The following B3GLCT variants were observed in gnomAD, a reference collection of about 807,000 sequenced individuals.
B3GLCT encodes beta 3-glucosyltransferase, also known as beta-1,3-glucosyltransferase.
Under a neutral mutation model 63.4 loss-of-function variants are expected in B3GLCT, and 65 were observed. The ratio of observed to expected loss-of-function variants is 1.03; its 90% CI spans 0.84 to 1.26. The LOEUF is 1.26. Among genes scored for constraint, B3GLCT ranks in the 50% most tolerant of loss-of-function variants. B3GLCT has a pLI of 0.00. For synonymous variants in B3GLCT, 233 were observed against 219.2 expected (o/e 1.06, Z -0.55); for missense variants, 577 against 604.8 (o/e 0.95, Z 0.48).
intron 14 of B3GLCT, among the ~76,000 whole-genome samples, chr13:31,326,128 T>A (rs1481769178): frequency 6.6e-6 from 1 of 152,140 alleles, no homozygotes; most frequent in Non-Finnish European, 1.5e-5. Context: ...GTAAACTGTA[T>A]GGGATGGAAA....
At chr13:31,322,085 G>A (rs2137944066) in intron 13 of B3GLCT, among the ~76,000 whole-genome samples, 1 of 152,356 alleles carries the variant, frequency 6.6e-6, no homozygotes, top group South Asian at 2.1e-4. Flanking sequence ...AACATGTGAT[G>A]TTTTGACCAT....
intron 6 of B3GLCT, among the ~76,000 whole-genome samples, chr13:31,253,595 C>CAAAAAAAAAAAAAAAAAAAA: frequency 5.4e-5 from 1 of 18,418 alleles, no homozygotes; most frequent in African/African-American, 3.2e-4. Context: ...GACTCCATCT[C>CAAAAAAAAAAAAAAAAAAAA]AAAAAAAAAA....
At chr13:31,293,533 T>A (rs1189605442) in intron 12 of B3GLCT, among the ~76,000 whole-genome samples, 1 of 152,256 alleles carries the variant, frequency 6.6e-6, no homozygotes, top group African/African-American at 2.4e-5. Flanking sequence ...TCTTTTTGCA[T>A]TGATCCCTTT....
chr13:31,326,544 G>A (rs1193968823), intron 14 of B3GLCT, among the ~76,000 whole-genome samples: 1 of 152,028 alleles, frequency 6.6e-6, no homozygotes, highest in Admixed American at 6.5e-5. Flanking sequence ...GCCTCCCAAA[G>A]TGCTGGGATT....
intron 3 of B3GLCT, among the ~76,000 whole-genome samples, chr13:31,226,225 C>T (rs896127981): frequency 2.6e-5 from 4 of 152,234 alleles, no homozygotes; most frequent in Admixed American, 1.3e-4. Flanking sequence ...TTACAATGGC[C>T]TGCCTATGAA....
rs1872402772 is a variant in B3GLCT at position 31,267,847 on chromosome 13, C to G, written c.597-1367C>G. ...CCTTTTTCTTTTAAAATTTTTGTTT[C>G]TTTCTTTTTTTTTTTTTCTTTTCGA... On this transcript the variant is annotated intron_variant, in intron 7 of 14. Transcript: ENST00000343307. 4.7e-5 allele frequency among the ~76,000 whole-genome samples: 7 copies of G among 150,066 alleles called. 1 individual carries two copies. The highest frequency in any genetic ancestry group is 6.6e-5 in the Admixed American group (1 of 15,110).
intron 4 of B3GLCT, among the ~76,000 whole-genome samples, chr13:31,244,266 T>C (rs1002569421): frequency 1.3e-5 from 2 of 152,076 alleles, no homozygotes; most frequent in African/African-American, 2.4e-5. Context: ...CCGAGGCGGG[T>C]GGATCACCTG....
At chr13:31,260,229 C>CTT (rs1186810724) in intron 6 of B3GLCT, among the ~76,000 whole-genome samples, 2 of 152,164 alleles carry the variant, frequency 1.3e-5, no homozygotes, top group Non-Finnish European at 2.9e-5. Flanking sequence ...AGAGCTGGCT[C>CTT]TTTGATATTA....
chr13:31,308,347 T>TTAAAAAA (rs1450252463), intron 12 of B3GLCT, among the ~76,000 whole-genome samples: 2 of 23,680 alleles, frequency 8.4e-5, no homozygotes, highest in South Asian at 2.3e-3. Flanking sequence ...AAAAAAAAAT[T>TTAAAAAA]AAAAAAAAAA....
intron 13 of B3GLCT, among the ~76,000 whole-genome samples, chr13:31,322,320 T>G (rs1351877717): frequency 6.6e-6 from 1 of 152,260 alleles, no homozygotes; most frequent in African/African-American, 2.4e-5. Context: ...CTCATGCATG[T>G]TCCCTTCCTA....
At chr13:31,284,163 C>G (rs553058337) in intron 10 of B3GLCT, among the ~76,000 whole-genome samples, 2 of 152,242 alleles carry the variant, frequency 1.3e-5, no homozygotes, top group East Asian at 3.9e-4. Context: ...AGTACAACAT[C>G]GTAATATCAG....
At chr13:31,317,539 T>A in intron 12 of B3GLCT, 27 bp from the exon 13 acceptor site, 1 of 1,613,510 alleles carries the variant, frequency 6.2e-7, no homozygotes, top group Non-Finnish European at 8.5e-7. Flanking sequence ...CAAATAATCA[T>A]GATTTGTGTT....
rs545753153 is a variant in B3GLCT at position 31,261,064 on chromosome 13, G to C, written c.578G>C (p.Ser193Thr). 1.2e-6 allele frequency: 2 copies of C among 1,609,238 alleles called. No homozygotes were observed. The highest frequency in any genetic ancestry group is 1.1e-5 in the South Asian group (1 of 90,886). Residue 193 changes from serine to threonine, a missense_variant, in exon 7 of 15, where the codon AGT becomes ACT. Transcript: ENST00000343307. ...GACTTTGCTGCAGGCTGGGCCTTAAGTATTCCACTTGTAAACAAGTAAGAA... is the reference window on the plus strand; with the variant it reads ...GACTTTGCTGCAGGCTGGGCCTTAACTATTCCACTTGTAAACAAGTAAGAA... ...YPDFAAGWAL[S>T]IPLVNKLTKR...
At chr13:31,297,378 T>C (rs1041890146) in intron 12 of B3GLCT, among the ~76,000 whole-genome samples, 2 of 145,002 alleles carry the variant, frequency 1.4e-5, no homozygotes, top group Admixed American at 1.3e-4. Context: ...TTTCTGGGTT[T>C]TTTTTTTTTT....
At chr13:31,258,017 G>A (rs899041738) in intron 6 of B3GLCT, among the ~76,000 whole-genome samples, 9 of 152,148 alleles carry the variant, frequency 5.9e-5, no homozygotes, top group Non-Finnish European at 1.2e-4. Flanking sequence ...AACAAGTGCC[G>A]TGGAGAAGAA....
intron 4 of B3GLCT, among the ~76,000 whole-genome samples, chr13:31,234,539 A>G (rs1457007580): frequency 1.3e-5 from 2 of 152,110 alleles, no homozygotes; most frequent in African/African-American, 4.8e-5. Context: ...CAGGGTAAGG[A>G]GGACAGCAGG....
chr13:31,308,946 A>G (rs1432937992), intron 12 of B3GLCT, among the ~76,000 whole-genome samples: 1 of 152,166 alleles, frequency 6.6e-6, no homozygotes, highest in Non-Finnish European at 1.5e-5. Context: ...TTTTAATTTT[A>G]TTTTAGCTAG....
chr13:31,276,654 T>G (rs1191024513), intron 9 of B3GLCT, 48 bp from the exon 10 acceptor site: 1 of 1,227,788 alleles, frequency 8.1e-7, no homozygotes. Flanking sequence ...GGGTGTGAAG[T>G]TAACGCTGAC....
chr13:31,302,015 T>C lies in B3GLCT; in HGVS notation c.1064+15196T>C, dbSNP rs184161405. On this transcript the variant is annotated intron_variant, in intron 12 of 14. Transcript: ENST00000343307. ...CCTATGAATGTTTTCTGTATTCATCTTATTTCTTACAAACCATTTAAAAAT... is the reference window on the plus strand; with the variant it reads ...CCTATGAATGTTTTCTGTATTCATCCTATTTCTTACAAACCATTTAAAAAT... Among the ~76,000 whole-genome samples, 160 of 152,352 alleles carry C rather than the reference T, an allele frequency of 1.1e-3. 2 individuals carry two copies. The East Asian group carries it at 0.011, about 10-fold the overall frequency.
Sources: allele counts gnomAD v4.1 joint callset (sites outside exome capture counted in the v4.1 genomes callset), GRCh38; gene constraint gnomAD v4.1.1; transcripts MANE v1.5; gene names NCBI Gene and HGNC (gene_info 2026-07-23, HGNC 2026-07-21).